LRRC37B: variants seen among roughly 807,000 people sequenced by gnomAD.
The protein encoded by LRRC37B is leucine rich repeat containing 37B.
LRRC37B carries 28 observed loss-of-function variants against 98.3 expected under a neutral mutation model. The ratio of observed to expected loss-of-function variants is 0.28; its 90% CI spans 0.21 to 0.39. The LOEUF is 0.39. Ranked by LOEUF, LRRC37B falls within the 10% of genes least tolerant of loss-of-function variation. The pLI is 1.00. For missense variants in LRRC37B, 938 were observed against 1,182.7 expected (o/e 0.79, Z 3.03); for synonymous variants, 364 against 442.7 (o/e 0.82, Z 2.23).
chr17:32,027,377 G>C (rs1379904101), intron 2 of LRRC37B, among the ~76,000 whole-genome samples: 1 of 150,476 alleles, frequency 6.6e-6, no homozygotes, highest in Non-Finnish European at 1.5e-5. Context: ...GTGTGTGCTT[G>C]TGTGTGTGTG....
intron 7 of LRRC37B, among the ~76,000 whole-genome samples, chr17:32,039,265 T>C (rs1911335612): frequency 6.6e-6 from 1 of 151,380 alleles, no homozygotes; most frequent in Non-Finnish European, 1.5e-5. Context: ...GCATGAGGCA[T>C]CATGCCTGGC....
At chr17:32,034,504 CAAAAAAAAAAA>C (rs35735718) in intron 5 of LRRC37B, among the ~76,000 whole-genome samples, 2 of 43,928 alleles carry the variant, frequency 4.6e-5, no homozygotes, top group African/African-American at 1.5e-4. Context: ...ACTCCATCTC[CAAAAAAAAAAA>C]AAAAAAAAAC....
intron 11 of LRRC37B, chr17:32,050,595 G>A (rs1911725566): frequency 6.5e-6 from 1 of 154,300 alleles, no homozygotes; most frequent in Non-Finnish European, 1.4e-5. Flanking sequence ...TGTGTAAGGT[G>A]TTGTCTAAAT....
At chr17:32,032,756 A>G (rs1911144084) in intron 5 of LRRC37B, among the ~76,000 whole-genome samples, 1 of 152,192 alleles carries the variant, frequency 6.6e-6, no homozygotes, top group African/African-American at 2.4e-5. Context: ...TTTTGCCCTC[A>G]CACCAGAGAA....
chr17:32,036,873 T>A (rs967546905), intron 7 of LRRC37B, among the ~76,000 whole-genome samples: 32 of 152,236 alleles, frequency 2.1e-4, no homozygotes, highest in African/African-American at 7.5e-4. Flanking sequence ...TTAGTGTATA[T>A]TTAACTTTTT....
In LRRC37B at chr17:32,045,824, T is replaced by C. The variant is rs1368715873; in HGVS notation, c.2323+6T>C. ...GACTAACAGCATACATTGTCGTGAG[T>C]CCAAATTGCCTGGTGATAAATTGTT... On this transcript the variant is annotated splice_donor_region_variant and intron_variant, in intron 8 of 11. Transcript: ENST00000327564. 1.3e-6 allele frequency: 2 copies of C among 1,597,210 alleles called. No homozygotes were observed. The highest frequency in any genetic ancestry group is 2.7e-5 in the African/African-American group (2 of 74,934).
intron 7 of LRRC37B, among the ~76,000 whole-genome samples, chr17:32,037,715 C>G (rs984831169): frequency 6.6e-6 from 1 of 152,180 alleles, no homozygotes; most frequent in African/African-American, 2.4e-5. Flanking sequence ...CTTTACTGTA[C>G]TGTTCAAATC....
At chr17:32,040,763 A>G (rs1195434178) in intron 7 of LRRC37B, 24 of 831,498 alleles carry the variant, frequency 2.9e-5, no homozygotes, top group Non-Finnish European at 5.1e-5. Context: ...TCAGTGACGC[A>G]CTGCTGGATG....
chr17:32,039,391 C>T (rs1302065481), intron 7 of LRRC37B, among the ~76,000 whole-genome samples: 3 of 145,344 alleles, frequency 2.1e-5, no homozygotes, highest in East Asian at 2.0e-4. Context: ...GCGGGGGTAT[C>T]GCTTGAACCC....
exon 10 of LRRC37B, chr17:32,049,245 A>G (rs1911678786): frequency 1.9e-6 from 3 of 1,613,072 alleles, no homozygotes; most frequent in Non-Finnish European, 2.5e-6. Context: ...TGCCAAGCTC[A>G]TGTTGCGAAC....
intron 7 of LRRC37B, 110 bp downstream of exon 10, chr17:32,035,749 C>G (rs1355855035): frequency 1.7e-6 from 2 of 1,174,412 alleles, no homozygotes; most frequent in African/African-American, 3.1e-5. Flanking sequence ...AACATTCACC[C>G]TTTATAAGTG....
chr17:32,026,261 C>T lies in LRRC37B; in HGVS notation c.1832+1479C>T, dbSNP rs527582638. Among the ~76,000 whole-genome samples the T allele has an allele frequency of 1.2e-4, 18 of 152,254 alleles. No individual in the cohort carries two copies. The South Asian group carries it at 3.5e-3, about 30-fold the overall frequency. On this transcript the variant is annotated intron_variant, in intron 2 of 11. Transcript: ENST00000327564. ...CATGTGCAGTGGCTCACGCCTGTAA[C>T]CCCAGCACCTCGGGAGTTCGAGGCA...
exon 1 of LRRC37B, chr17:32,022,570 C>T (rs1910831022): frequency 6.2e-7 from 1 of 1,613,872 alleles, no homozygotes; most frequent in South Asian, 1.1e-5. Flanking sequence ...GCTCCTCATC[C>T]AGACCAGGTT....
chr17:32,040,403 G>A (rs1911390518), intron 7 of LRRC37B: 1 of 503,466 alleles, frequency 2.0e-6, no homozygotes, highest in Non-Finnish European at 3.8e-6. Flanking sequence ...TGCTGGCACG[G>A]TCCGGGCGGA....
chr17:32,016,628 A>T (rs564516532), upstream of LRRC37B, among the ~76,000 whole-genome samples: 6 of 152,358 alleles, frequency 3.9e-5, no homozygotes, highest in South Asian at 1.2e-3. Context: ...GGATAAAAAT[A>T]CAGACTACTG....
intron 7 of LRRC37B, among the ~76,000 whole-genome samples, chr17:32,039,526 ATGTATTTT>A (rs1911359137): frequency 1.2e-3 from 97 of 81,036 alleles, no homozygotes; most frequent in African/African-American, 3.3e-3. Flanking sequence ...ATATATATGT[ATGTATTTT>A]TATATATATT....
Position 32,041,411 on chromosome 17 carries a change from T to C in LRRC37B, c.2205-4289T>C, listed in dbSNP as rs369187093. 3.4e-3 allele frequency: 2,499 copies of C among 742,908 alleles called. 48 individuals carry two copies. In the African/African-American group the frequency reaches 0.034, roughly 10 times the overall value. 46.0% of individuals were successfully genotyped at this position (742,908 alleles called of 1,614,324 possible). ...ATGGGGAGCTGGGCTTCCATGAGGG[T>C]GACGTCTTCACGCTGATCAACCAGA... On this transcript the variant is annotated intron_variant, in intron 7 of 11. Coordinates refer to ENST00000327564, the Ensembl canonical transcript of LRRC37B.
At chr17:32,022,876 G>C in intron 1 of LRRC37B, 51 bp downstream of exon 4, 1 of 1,565,592 alleles carries the variant, frequency 6.4e-7, no homozygotes, top group Non-Finnish European at 8.8e-7. Flanking sequence ...TGACATGGCA[G>C]CCTTTTCCTG....
rs373162296 is a variant in LRRC37B at position 32,029,379 on chromosome 17, T to G, written c.1905-1277T>G. Among the ~76,000 whole-genome samples the G allele has an allele frequency of 5.8e-3, 877 of 151,520 alleles. 3 individuals carry two copies. Among genetic ancestry groups the G allele is most frequent in the Middle Eastern group, 0.017 (5 of 294 alleles). On this transcript the variant is annotated intron_variant, in intron 3 of 11. Coordinates refer to ENST00000327564, the Ensembl canonical transcript of LRRC37B. The stretch of plus-strand genomic sequence containing the variant: ...TAAACATGGTGGGCAATGCAGATGA[T>G]CAAGACCTAGTCCATGCTTTCAAGG...
Sources: gnomAD v4.1 joint callset for allele counts (sites outside exome capture counted in the v4.1 genomes callset) on GRCh38, gnomAD v4.1.1 for gene constraint, MANE v1.5 for transcripts, NCBI Gene and HGNC (gene_info 2026-07-23, HGNC 2026-07-21) for gene names.